The following FRMD6 variants were observed in gnomAD, a reference collection of about 807,000 sequenced individuals.
FRMD6 encodes FERM domain containing 6.
Under a neutral mutation model 73.2 loss-of-function variants are expected in FRMD6, and 37 were observed. The ratio of observed to expected loss-of-function variants is 0.51; its 90% CI spans 0.39 to 0.66. FRMD6 has a LOEUF of 0.66. Ranked by LOEUF, FRMD6 falls within the 30% of genes least tolerant of loss-of-function variation. The pLI is 0.00. For missense variants in FRMD6, 714 were observed against 780.5 expected, an observed-to-expected ratio of 0.91 and a Z score of 1.02; for synonymous variants, 273 against 282.2, an observed-to-expected ratio of 0.97 and a Z score of 0.33.
intron 2 of FRMD6, among the ~76,000 whole-genome samples, chr14:51,571,719 T>G (rs1426232000): frequency 6.6e-6 from 1 of 152,208 alleles, no homozygotes; most frequent in Non-Finnish European, 1.5e-5. Context: ...TAGACTCAAT[T>G]TCCTCATTTA....
At chr14:51,534,504 T>A (rs149061717) in intron 1 of FRMD6, among the ~76,000 whole-genome samples, 1 of 152,232 alleles carries the variant, frequency 6.6e-6, no homozygotes, top group Non-Finnish European at 1.5e-5. Flanking sequence ...TCTTTCTACC[T>A]TTCCTATTTT....
intron 12 of FRMD6, 88 bp downstream of exon 12, chr14:51,722,168 TG>T (rs1566599398): frequency 6.9e-6 from 10 of 1,449,158 alleles, no homozygotes; most frequent in South Asian, 1.2e-5. Context: ...AGGGGTGAGC[TG>T]GGGGCCCTAG....
Position 51,549,595 on chromosome 14 carries a change from C to CTTTTTTTTTT in FRMD6, c.-209-20742_-209-20733dup, listed in dbSNP as rs35356416. Among the ~76,000 whole-genome samples, 48 of 98,016 alleles carry CTTTTTTTTTT rather than the reference C, an allele frequency of 4.9e-4. 4 individuals are homozygous for CTTTTTTTTTT. Among genetic ancestry groups the CTTTTTTTTTT allele is most frequent in the African/African-American group, 1.7e-3 (42 of 24,438 alleles). The allele number at this position is 98,016 out of a possible 152,430, so 64.3% of individuals were successfully genotyped here. A position where few individuals can be genotyped will look rare whatever the true frequency, so the allele number is the denominator to read the frequency against. On this transcript the variant is annotated intron_variant, in intron 1 of 14. Transcript: ENST00000356218. ...TGGAGTATAAACTTTTTTTTTCTTT[C>CTTTTTTTTTT]TTTTTTTTTTTTTTTTTTTTGAGAC...
chr14:51,525,158 GGATGGATGGA>G (rs1885177729), intron 1 of FRMD6, among the ~76,000 whole-genome samples: 1 of 151,232 alleles, frequency 6.6e-6, no homozygotes, highest in African/African-American at 2.4e-5. Flanking sequence ...ATGGATGGAT[GGATGGATGGA>G]TGGATGGATG....
chr14:51,433,594 A>G, the FRMD6 span, among the ~76,000 whole-genome samples: 1 of 152,170 alleles, frequency 6.6e-6, no homozygotes, highest in South Asian at 2.1e-4. Context: ...AAATTTATTA[A>G]TTTTTGCTAA....
intron 10 of FRMD6, among the ~76,000 whole-genome samples, chr14:51,718,993 C>A (rs1897389213): frequency 6.6e-6 from 1 of 152,146 alleles, no homozygotes; most frequent in South Asian, 2.1e-4. Flanking sequence ...CCCTGAGAAC[C>A]CAATTAGTCT....
chr14:51,548,064 T>G (rs1886577334), intron 1 of FRMD6, among the ~76,000 whole-genome samples: 1 of 152,134 alleles, frequency 6.6e-6, no homozygotes, highest in African/African-American at 2.4e-5. Flanking sequence ...CATCAAGCAG[T>G]GGGAATAATT....
At chr14:51,695,436 A>G (rs1255588507) in intron 2 of FRMD6, among the ~76,000 whole-genome samples, 1 of 152,196 alleles carries the variant, frequency 6.6e-6, no homozygotes. Flanking sequence ...GATTCAACCT[A>G]GCTGTACACA....
At chr14:51,459,884 C>CTCTTTTTTT in the FRMD6 span, among the ~76,000 whole-genome samples, 1 of 74,648 alleles carries the variant, frequency 1.3e-5, no homozygotes, top group East Asian at 6.4e-4. Flanking sequence ...TACTGACTCT[C>CTCTTTTTTT]TTTTTTTTTT....
At chr14:51,649,781 C>G (rs1247165566), upstream of FRMD6, 2 of 151,560 alleles carry the variant, frequency 1.3e-5, no homozygotes, top group Non-Finnish European at 2.9e-5. Context: ...CTTTTTCAGA[C>G]AGGGTCTCAC....
intron 1 of FRMD6, among the ~76,000 whole-genome samples, chr14:51,684,404 T>A (rs180826815): frequency 9.2e-5 from 14 of 152,150 alleles, no homozygotes; most frequent in African/African-American, 3.4e-4. Flanking sequence ...ATTCAAGAGG[T>A]TGAAAATTGT....
chr14:51,647,774 C>T (rs1166407833), upstream of FRMD6, among the ~76,000 whole-genome samples: 1 of 152,160 alleles, frequency 6.6e-6, no homozygotes, highest in Non-Finnish European at 1.5e-5. Context: ...ACTTACATAT[C>T]AGCATTAAAA....
chr14:51,527,565 A>C (rs1007508778), intron 1 of FRMD6, among the ~76,000 whole-genome samples: 1 of 152,214 alleles, frequency 6.6e-6, no homozygotes, highest in African/African-American at 2.4e-5. Context: ...TAGAAACAAC[A>C]TTCCCAATGG....
At chr14:51,400,783 T>G in the FRMD6 span, among the ~76,000 whole-genome samples, 11 of 152,204 alleles carry the variant, frequency 7.2e-5, no homozygotes, top group African/African-American at 2.4e-4. Flanking sequence ...GCTGGGGCAT[T>G]AGACAAAAGT....
intron 3 of FRMD6, among the ~76,000 whole-genome samples, chr14:51,700,013 G>A (rs1009993686): frequency 1.3e-5 from 2 of 151,840 alleles, no homozygotes; most frequent in African/African-American, 4.8e-5. Flanking sequence ...TATAACCAAC[G>A]AGTAACTTTA....
At chr14:51,628,192 T>C (rs771951685) in intron 2 of FRMD6, among the ~76,000 whole-genome samples, 4 of 152,216 alleles carry the variant, frequency 2.6e-5, no homozygotes, top group Non-Finnish European at 4.4e-5. Context: ...AAAACAGATA[T>C]GTGCCTATTT....
chr14:51,649,631 T>C (rs1265014990), upstream of FRMD6: 1 of 152,228 alleles, frequency 6.6e-6, no homozygotes, highest in Non-Finnish European at 1.5e-5. Flanking sequence ...GTATACAATA[T>C]GCACTCATTC....
intron 1 of FRMD6, among the ~76,000 whole-genome samples, chr14:51,502,029 A>C (rs1477834961): frequency 1.3e-5 from 2 of 152,146 alleles, no homozygotes; most frequent in African/African-American, 4.8e-5. Flanking sequence ...TCTTCTTTTC[A>C]GAAGTGTCTG....
chr14:51,398,897 T>C, the FRMD6 span, among the ~76,000 whole-genome samples: 1 of 152,110 alleles, frequency 6.6e-6, no homozygotes, highest in Non-Finnish European at 1.5e-5. Context: ...GCTCAAAACA[T>C]GTCAGCAGAT....
Sources: gnomAD v4.1 joint callset for allele counts (sites outside exome capture counted in the v4.1 genomes callset) on GRCh38, gnomAD v4.1.1 for gene constraint, MANE v1.5 for transcripts, NCBI Gene and HGNC (gene_info 2026-07-23, HGNC 2026-07-21) for gene names.